Variants in DNAH9 observed in about 807,000 individuals in gnomAD.
The protein encoded by DNAH9 is dynein axonemal heavy chain 9.
DNAH9 carries 345 observed loss-of-function variants against 471.6 expected under a neutral mutation model. That is an observed-to-expected ratio of 0.73 (90% confidence interval 0.67 to 0.80). The LOEUF (loss-of-function observed/expected upper bound fraction) is 0.80. DNAH9 is among the 30% of genes least tolerant of loss of function. The probability of loss-of-function intolerance (pLI) is 0.00; values close to 1 mark genes in which losing one functional copy is unlikely to be tolerated. For missense variants in DNAH9, 5,407 were observed against 5,609.2 expected (o/e 0.96, Z 1.15); for synonymous variants, 2,093 against 2,123.6 (o/e 0.99, Z 0.40).
intron 67 of DNAH9, among the ~76,000 whole-genome samples, chr17:11,954,818 G>GA (rs1252091914): frequency 2.8e-5 from 4 of 144,564 alleles, no homozygotes; most frequent in African/African-American, 1.0e-4. Flanking sequence ...TAGAAAGAAA[G>GA]AAAATGATAT....
At chr17:11,754,879 A>C (rs565598532) in intron 33 of DNAH9, among the ~76,000 whole-genome samples, 1 of 152,248 alleles carries the variant, frequency 6.6e-6, no homozygotes, top group South Asian at 2.1e-4. Flanking sequence ...GGCTTTTGGC[A>C]TCTTTGTCAT....
At position 11,869,149 on chromosome 17, in the gene DNAH9, C is replaced by A. The variant is rs1231405547; in HGVS notation, c.9949C>A (p.Leu3317Met). The stretch of plus-strand genomic sequence containing the variant: ...TCCTAAACAGCACCTTAATGAAAAC[C>A]TGGCAAAGCTCACAGCCAGGTTTGA... ...KAKIAHLNENLAKLTARFEKA... is the reference protein window; with the variant it reads ...KAKIAHLNENMAKLTARFEKA... Residue 3317 changes from leucine to methionine, a missense_variant, in exon 51 of 69, where the codon CTG becomes ATG. Transcript: ENST00000262442. The A allele has an allele frequency of 6.2e-7, 1 of 1,613,482 alleles. No individual in the cohort carries two copies. Among genetic ancestry groups the A allele is most frequent in the Non-Finnish European group, 8.5e-7 (1 of 1,179,726 alleles).
chr17:11,804,548 A>G (rs1232563251), intron 43 of DNAH9, among the ~76,000 whole-genome samples: 1 of 152,350 alleles, frequency 6.6e-6, no homozygotes, highest in Admixed American at 6.5e-5. Flanking sequence ...GAAACCAAAT[A>G]AATAAAAATA....
intron 54 of DNAH9, 115 bp from the exon 55 acceptor site, chr17:11,881,094 C>T: frequency 1.1e-6 from 1 of 946,754 alleles, no homozygotes; most frequent in Non-Finnish European, 1.7e-6. Flanking sequence ...TCATCCTAGA[C>T]ATAGGAGGAA....
chr17:11,816,396 A>T (rs1970096827), intron 45 of DNAH9, among the ~76,000 whole-genome samples: 1 of 152,214 alleles, frequency 6.6e-6, no homozygotes, highest in Non-Finnish European at 1.5e-5. Flanking sequence ...ATTGACATTT[A>T]GGAGGTACTT....
intron 50 of DNAH9, among the ~76,000 whole-genome samples, chr17:11,862,877 T>C (rs1947421738): frequency 6.6e-6 from 1 of 151,914 alleles, no homozygotes; most frequent in South Asian, 2.1e-4. Flanking sequence ...TTTTGTATCC[T>C]GAGACTTTGC....
intron 45 of DNAH9, among the ~76,000 whole-genome samples, chr17:11,820,109 A>G (rs1970256571): frequency 6.6e-6 from 1 of 152,082 alleles, no homozygotes. Context: ...GAGAAATCTC[A>G]TTTATTCCTA....
intron 56 of DNAH9, 36 bp from the exon 57 acceptor site, chr17:11,886,789 G>T (rs1283013347): frequency 3.2e-6 from 5 of 1,581,576 alleles, no homozygotes; most frequent in African/African-American, 2.7e-5. Flanking sequence ...GCCCAGGTTG[G>T]TTGGAACAGT....
At chr17:11,653,330 C>T (rs1042685296) in intron 14 of DNAH9, among the ~76,000 whole-genome samples, 2 of 152,212 alleles carry the variant, frequency 1.3e-5, no homozygotes, top group East Asian at 3.8e-4. Context: ...TAACCATCCC[C>T]ATCCCGGCTT....
intron 50 of DNAH9, among the ~76,000 whole-genome samples, chr17:11,865,426 G>A (rs1413037781): frequency 5.3e-5 from 8 of 151,992 alleles, no homozygotes; most frequent in African/African-American, 9.7e-5. Context: ...TGGGTAACCC[G>A]ACCTTTCTCT....
chr17:11,708,014 C>CAGAGAGAGAGAG (rs34314090), intron 26 of DNAH9, among the ~76,000 whole-genome samples: 4 of 52,154 alleles, frequency 7.7e-5, no homozygotes, highest in Non-Finnish European at 7.8e-5. Context: ...CACACACACA[C>CAGAGAGAGAGAG]AGAGAGAGAG....
intron 17 of DNAH9, 65 bp downstream of exon 17, chr17:11,669,859 C>G: frequency 7.3e-7 from 1 of 1,377,662 alleles, no homozygotes; most frequent in South Asian, 1.3e-5. Flanking sequence ...GTTTTTAAAC[C>G]TTTTTTATAT....
chr17:11,782,546 G>A (rs140258855), intron 39 of DNAH9, among the ~76,000 whole-genome samples: 129 of 152,048 alleles, frequency 8.5e-4, no homozygotes, highest in South Asian at 2.9e-3. Context: ...TCATTCTACC[G>A]TCTCCCACTC....
chr17:11,805,074 TAAG>T (rs1969617035), intron 43 of DNAH9, among the ~76,000 whole-genome samples: 1 of 151,102 alleles, frequency 6.6e-6, no homozygotes, highest in South Asian at 2.1e-4. Context: ...AAATTAGATG[TAAG>T]ATTCAGTGTC....
intron 4 of DNAH9, among the ~76,000 whole-genome samples, chr17:11,613,498 G>T (rs2072679509): frequency 6.6e-6 from 1 of 152,112 alleles, no homozygotes; most frequent in Non-Finnish European, 1.5e-5. Context: ...CCAGCTAATT[G>T]GGAGGCTGAG....
rs1567652590 is a variant in DNAH9, at chr17:11,598,570, A to ATGGGGAACC, written c.72_73insTGGGGAACC (p.Arg24_Leu25insTrpGlyThr). ...ATGGGGAACCCGGCGCCGACCGACG[A>ATGGGGAACC]CTGCGACTCCTGGGGACCTACGTGG... On this transcript the variant is annotated inframe_insertion, in exon 1 of 69. Coordinates refer to ENST00000262442, the MANE Select transcript of DNAH9 (RefSeq NM_001372.4). The ATGGGGAACC allele has an allele frequency of 1.4e-6, 2 of 1,405,414 alleles. No homozygotes were observed. The highest frequency in any genetic ancestry group is 1.5e-5 in the South Asian group (1 of 65,212). 87.1% of individuals were successfully genotyped at this position (1,405,414 alleles called of 1,614,324 possible).
chr17:11,659,063 TAACTC>T (rs533569053), intron 14 of DNAH9, among the ~76,000 whole-genome samples: 90 of 152,318 alleles, frequency 5.9e-4, no homozygotes, highest in East Asian at 1.5e-3. Flanking sequence ...AGGTTGGTCT[TAACTC>T]AACCTTAAAT....
chr17:11,881,540 C>T, intron 55 of DNAH9, 127 bp downstream of exon 55: 1 of 897,412 alleles, frequency 1.1e-6, no homozygotes, highest in Non-Finnish European at 1.6e-6. Flanking sequence ...CTCTGGAAGA[C>T]TGCTGACCCC....
In DNAH9 at chr17:11,811,590, C is replaced by G. The variant is rs548798960; in HGVS notation, c.8707+1221C>G. Among the ~76,000 whole-genome samples the G allele has an allele frequency of 1.1e-4, 16 of 152,296 alleles. No individual in the cohort carries two copies. In the East Asian group the frequency reaches 2.9e-3, roughly 28 times the overall value. On this transcript the variant is annotated intron_variant, in intron 45 of 68. Transcript: ENST00000262442. ...GCATTCAGCTGACTCTTCCTCCTTTCAGTCTCATCACTCCAACCTCAGCTG... is the reference window on the plus strand; with the variant it reads ...GCATTCAGCTGACTCTTCCTCCTTTGAGTCTCATCACTCCAACCTCAGCTG...
Sources: allele counts gnomAD v4.1 joint callset (sites outside exome capture counted in the v4.1 genomes callset), GRCh38; gene constraint gnomAD v4.1.1; transcripts MANE v1.5; gene names NCBI Gene and HGNC (gene_info 2026-07-23, HGNC 2026-07-21).